Variants in CNTN4 observed in about 807,000 individuals in gnomAD.
The protein encoded by CNTN4 is contactin 4, also known as contactin-4.
CNTN4 carries 77 observed loss-of-function variants against 122.5 expected under a neutral mutation model. The observed-to-expected ratio is 0.63, with a 90% CI of 0.52 to 0.76. The LOEUF (loss-of-function observed/expected upper bound fraction) is 0.76, where lower values mean the gene tolerates loss of function less well. CNTN4 is among the 30% of genes least tolerant of loss of function. The pLI is 0.00. For missense variants in CNTN4, 1,256 were observed against 1,259.1 expected (o/e 1.00, Z 0.04); for synonymous variants, 512 against 447.0 (o/e 1.15, Z -1.83).
chr3:2,332,072 G>A (rs990192370), intron 2 of CNTN4, among the ~76,000 whole-genome samples: 5 of 152,130 alleles, frequency 3.3e-5, no homozygotes, highest in African/African-American at 7.2e-5. Flanking sequence ...ATCCCCTTTA[G>A]AGTCGATAGG....
At chr3:2,128,666 G>A (rs1251211115) in intron 2 of CNTN4, among the ~76,000 whole-genome samples, 3 of 152,184 alleles carry the variant, frequency 2.0e-5, no homozygotes, top group Admixed American at 6.5e-5. Context: ...AACTTAGGAT[G>A]TTTAGCTTAT....
chr3:2,606,567 T>C (rs1043162286), intron 4 of CNTN4, among the ~76,000 whole-genome samples: 1 of 152,162 alleles, frequency 6.6e-6, no homozygotes, highest in Non-Finnish European at 1.5e-5. Flanking sequence ...AACGAAACCA[T>C]TTAGGAAGCT....
intron 3 of CNTN4, among the ~76,000 whole-genome samples, chr3:2,428,868 C>G (rs1336999674): frequency 6.6e-6 from 1 of 152,198 alleles, no homozygotes; most frequent in African/African-American, 2.4e-5. Context: ...ATCGAATCGG[C>G]TACTGAAGCT....
intron 4 of CNTN4, among the ~76,000 whole-genome samples, chr3:2,616,015 G>T (rs953914564): frequency 2.2e-5 from 3 of 134,414 alleles, no homozygotes; most frequent in Non-Finnish European, 4.9e-5. Flanking sequence ...AGTTCCTCAG[G>T]CTGCCTTTTT....
chr3:2,633,563 G>A (rs1188357120), intron 4 of CNTN4, among the ~76,000 whole-genome samples: 1 of 152,178 alleles, frequency 6.6e-6, no homozygotes, highest in African/African-American at 2.4e-5. Context: ...AAATGCAGTA[G>A]ATCTTTTAAT....
intron 2 of CNTN4, among the ~76,000 whole-genome samples, chr3:2,241,273 T>A (rs536869250): frequency 6.6e-6 from 1 of 152,306 alleles, no homozygotes; most frequent in South Asian, 2.1e-4. Context: ...TGTAGTAAAT[T>A]AATTTGTCTT....
At chr3:2,698,030 A>G (rs1362734372) in intron 4 of CNTN4, among the ~76,000 whole-genome samples, 1 of 152,210 alleles carries the variant, frequency 6.6e-6, no homozygotes, top group Non-Finnish European at 1.5e-5. Flanking sequence ...AATGGGTACG[A>G]TAGCCAAGCC....
intron 4 of CNTN4, among the ~76,000 whole-genome samples, chr3:2,702,650 T>C (rs2728032): frequency 0.21 from 32,545 of 152,122 alleles, 3,684 homozygotes; most frequent in South Asian, 0.41. Flanking sequence ...GGACATCTTT[T>C]GGGTGAGCTC....
chr3:2,470,080 T>G (rs953267107), intron 3 of CNTN4, among the ~76,000 whole-genome samples: 2 of 152,232 alleles, frequency 1.3e-5, no homozygotes, highest in African/African-American at 2.4e-5. Flanking sequence ...CTTTTTTTTT[T>G]TTGGAGACAG....
At chr3:2,185,944 A>G (rs973138125) in intron 2 of CNTN4, among the ~76,000 whole-genome samples, 3 of 151,404 alleles carry the variant, frequency 2.0e-5, no homozygotes, top group Non-Finnish European at 4.4e-5. Context: ...ATTTTTTATT[A>G]TTATACTTTA....
intron 2 of CNTN4, among the ~76,000 whole-genome samples, chr3:2,147,887 T>A (rs2727924): frequency 0.52 from 79,522 of 152,040 alleles, 21,004 homozygotes; most frequent in Admixed American, 0.61. Flanking sequence ...TACCTAGAAG[T>A]CTTTTCTCCT....
At chr3:2,411,882 A>C (rs1005963500) in intron 3 of CNTN4, among the ~76,000 whole-genome samples, 1 of 152,120 alleles carries the variant, frequency 6.6e-6, no homozygotes. Context: ...CGTTTCATCT[A>C]TTGCTCCATA....
chr3:2,116,041 C>T (rs1179117565), intron 2 of CNTN4, among the ~76,000 whole-genome samples: 2 of 152,136 alleles, frequency 1.3e-5, no homozygotes, highest in African/African-American at 4.8e-5. Context: ...GCATGTAAAG[C>T]CTCTAACTTG....
chr3:2,314,736 A>G (rs1176468660), intron 2 of CNTN4, among the ~76,000 whole-genome samples: 3 of 152,066 alleles, frequency 2.0e-5, no homozygotes, highest in African/African-American at 2.4e-5. Flanking sequence ...TACAATTACA[A>G]TTATTAACAA....
At chr3:3,047,221 G>C (rs1346607897) in intron 23 of CNTN4, among the ~76,000 whole-genome samples, 1 of 151,930 alleles carries the variant, frequency 6.6e-6, no homozygotes, top group Admixed American at 6.6e-5. Context: ...AGATCAACGA[G>C]ACAGAAAGTT....
At chr3:2,867,600 C>T (rs527972067) in intron 8 of CNTN4, among the ~76,000 whole-genome samples, 2 of 152,172 alleles carry the variant, frequency 1.3e-5, no homozygotes, top group South Asian at 4.2e-4. Context: ...ATGCTGTTCC[C>T]TCTTCTTGAA....
chr3:2,481,625 T>C (rs1477305175), intron 3 of CNTN4, among the ~76,000 whole-genome samples: 1 of 151,960 alleles, frequency 6.6e-6, no homozygotes, highest in Non-Finnish European at 1.5e-5. Context: ...AAGGAGAAAA[T>C]CTATGATATG....
At chr3:3,047,667 A>G (rs979761358) in intron 23 of CNTN4, among the ~76,000 whole-genome samples, 2 of 150,126 alleles carry the variant, frequency 1.3e-5, no homozygotes, top group African/African-American at 4.9e-5. Context: ...TGCCCACAAG[A>G]GAAAGCAGGA....
At chr3:2,499,346 A>C (rs2076534637) in intron 3 of CNTN4, among the ~76,000 whole-genome samples, 1 of 152,202 alleles carries the variant, frequency 6.6e-6, no homozygotes, top group Admixed American at 6.5e-5. Context: ...TAGTTTGACT[A>C]CTAATGGATA....
Sources: allele counts gnomAD v4.1 joint callset (sites outside exome capture counted in the v4.1 genomes callset), GRCh38; gene constraint gnomAD v4.1.1; transcripts MANE v1.5; gene names NCBI Gene and HGNC (gene_info 2026-07-23, HGNC 2026-07-21).